Variants in STIM2 observed in about 807,000 individuals in gnomAD.
STIM2 encodes stromal interaction molecule 2.
A neutral mutation model predicts 85.8 loss-of-function variants in STIM2; 31 were observed. The observed-to-expected ratio is 0.36, with a 90% CI of 0.27 to 0.49. STIM2 has a LOEUF of 0.49. Ranked by LOEUF, STIM2 falls within the 20% of genes least tolerant of loss-of-function variation. STIM2 has a pLI of 0.98. For missense variants in STIM2, 841 were observed against 927.6 expected, an observed-to-expected ratio of 0.91 and a Z score of 1.21; for synonymous variants, 356 against 331.1, an observed-to-expected ratio of 1.08 and a Z score of -0.82.
chr4:27,017,762 G>A lies in STIM2; in HGVS notation c.1541G>A (p.Arg514His), dbSNP rs1049239912. Residue 514 changes from arginine to histidine, a missense_variant, in exon 11 of 12, where the codon CGT (arginine) becomes CAT (histidine). Physicochemically the swap from Arg to His is conservative, Grantham distance 29. Around this residue, in one of 3 missense-constraint regions of STIM2, gnomAD observed 408 missense variants for 525.4 expected, o/e 0.78. Coordinates refer to ENST00000467087, the MANE Select transcript of STIM2 (RefSeq NM_020860.4). ...TTAGCCAGAAGCAGCAGCCTGTGCC[G>A]TTCACGCCGCAGCATTGTGCCGTCC... The A allele has an allele frequency of 2.5e-5, 41 of 1,614,090 alleles. No individual in the cohort carries two copies. The highest frequency in any genetic ancestry group is 5.5e-5 in the South Asian group (5 of 91,070).
intron 1 of STIM2, among the ~76,000 whole-genome samples, chr4:26,915,709 C>T (rs1724550908): frequency 6.6e-6 from 1 of 152,202 alleles, no homozygotes; most frequent in Non-Finnish European, 1.5e-5. Flanking sequence ...TCTTTTCCCT[C>T]AGCGCAAAGT....
chr4:27,002,497 C>CTTAAATACTTACATTTAGGTTATT, intron 6 of STIM2, 103 bp downstream of exon 6: 1 of 809,698 alleles, frequency 1.2e-6, no homozygotes, highest in Non-Finnish European at 1.9e-6. Context: ...TTATTATACA[C>CTTAAATACTTACATTTAGGTTATT]ATCAGGAATA....
chr4:26,950,051 C>T (rs1416915482), intron 2 of STIM2, among the ~76,000 whole-genome samples: 1 of 152,114 alleles, frequency 6.6e-6, no homozygotes, highest in East Asian at 1.9e-4. Context: ...ACACGGTATT[C>T]TCAGTGATGG....
chr4:26,972,317 C>G (rs865829125), intron 3 of STIM2, among the ~76,000 whole-genome samples: 2 of 152,152 alleles, frequency 1.3e-5, no homozygotes, highest in South Asian at 2.1e-4. Context: ...TTGTCTTGTG[C>G]TGGTTTTCAA....
intron 1 of STIM2, among the ~76,000 whole-genome samples, chr4:26,871,419 T>C (rs1447006136): frequency 1.3e-5 from 2 of 152,156 alleles, no homozygotes; most frequent in Non-Finnish European, 2.9e-5. Flanking sequence ...AATGGCCTTA[T>C]GAGTTTCTCC....
At chr4:26,989,538 C>T (rs570035950) in intron 3 of STIM2, among the ~76,000 whole-genome samples, 1 of 152,160 alleles carries the variant, frequency 6.6e-6, no homozygotes, top group Non-Finnish European at 1.5e-5. Context: ...GAAAGCCTTT[C>T]CACTAAGATC....
At chr4:26,965,650 T>G (rs1005418568) in intron 3 of STIM2, among the ~76,000 whole-genome samples, 3 of 152,128 alleles carry the variant, frequency 2.0e-5, no homozygotes, top group African/African-American at 7.2e-5. Flanking sequence ...CTCTTTTTGT[T>G]TTATTATTCT....
intron 3 of STIM2, among the ~76,000 whole-genome samples, chr4:26,972,599 T>A (rs180750654): frequency 6.6e-6 from 1 of 152,120 alleles, no homozygotes; most frequent in Non-Finnish European, 1.5e-5. Context: ...CTGACTTGAT[T>A]GTGGTGGATA....
chr4:26,934,481 T>C (rs914241230), intron 2 of STIM2, among the ~76,000 whole-genome samples: 1 of 152,238 alleles, frequency 6.6e-6, no homozygotes, highest in Admixed American at 6.5e-5. Context: ...TTTGTTCTTC[T>C]CTAATTTTCA....
chr4:26,954,380 G>A (rs1197444161), intron 2 of STIM2, among the ~76,000 whole-genome samples: 1 of 125,468 alleles, frequency 8.0e-6, no homozygotes, highest in Admixed American at 7.2e-5. Flanking sequence ...CCTATAGTAG[G>A]TTTGCATATA....
chr4:26,898,943 A>G (rs1304878888), intron 1 of STIM2, among the ~76,000 whole-genome samples: 2 of 151,710 alleles, frequency 1.3e-5, no homozygotes. Context: ...TCTGCAAATG[A>G]CAGTTTTTTT....
intron 1 of STIM2, 21 bp from the exon 2 acceptor site, chr4:26,919,483 T>G (rs1724718073): frequency 1.2e-6 from 2 of 1,612,608 alleles, no homozygotes; most frequent in Non-Finnish European, 1.7e-6. Context: ...AAGTTAGTAA[T>G]TGCCCTTTGT....
intron 1 of STIM2, among the ~76,000 whole-genome samples, chr4:26,872,376 T>A (rs1331327143): frequency 6.6e-6 from 1 of 152,212 alleles, no homozygotes; most frequent in Non-Finnish European, 1.5e-5. Flanking sequence ...ATTTAAAGAT[T>A]TAAAGCATTT....
intron 1 of STIM2, among the ~76,000 whole-genome samples, chr4:26,914,201 A>G (rs1724448465): frequency 6.6e-6 from 1 of 152,180 alleles, no homozygotes; most frequent in African/African-American, 2.4e-5. Flanking sequence ...TTTTCTGTTA[A>G]TTATCTAATT....
intron 2 of STIM2, among the ~76,000 whole-genome samples, chr4:26,936,315 C>T (rs895769968): frequency 2.0e-5 from 3 of 152,130 alleles, no homozygotes; most frequent in Admixed American, 1.3e-4. Flanking sequence ...GTTCATTTAC[C>T]AACTGCTGTT....
At chr4:26,885,871 A>ATATATATGTATG (rs1560194736) in intron 1 of STIM2, among the ~76,000 whole-genome samples, 25 of 117,836 alleles carry the variant, frequency 2.1e-4, no homozygotes, top group Non-Finnish European at 3.4e-4. Flanking sequence ...ATATATATAT[A>ATATATATGTATG]TATGTATATG....
Position 27,023,130 on chromosome 4 carries a change from G to A in STIM2, c.*134G>A. The A allele has an allele frequency of 1.2e-6, 1 of 822,824 alleles. No individual in the cohort carries two copies. The highest frequency in any genetic ancestry group is 1.9e-6 in the Non-Finnish European group (1 of 516,964). The allele number at this position is 822,824 out of a possible 1,614,324, so 51.0% of individuals were successfully genotyped here. ...GGGGCTTTCCAGGCCGGATGCCATA[G>A]TGGAACATCCAGAAGGGCAACTGTC... On this transcript the variant is annotated 3_prime_UTR_variant, in exon 12 of 12. Coordinates refer to ENST00000467087, the MANE Select transcript of STIM2 (RefSeq NM_020860.4).
intron 10 of STIM2, among the ~76,000 whole-genome samples, chr4:27,017,239 G>A (rs1017482750): frequency 6.6e-6 from 1 of 152,210 alleles, no homozygotes; most frequent in African/African-American, 2.4e-5. Flanking sequence ...CTAACCAGCT[G>A]TGAGACTGTG....
chr4:26,879,868 G>C (rs910607232), intron 1 of STIM2, among the ~76,000 whole-genome samples: 3 of 152,094 alleles, frequency 2.0e-5, no homozygotes, highest in Non-Finnish European at 4.4e-5. Flanking sequence ...AATACTATGG[G>C]TTCTAGCCAC....
Sources: gnomAD v4.1 joint callset for allele counts (sites outside exome capture counted in the v4.1 genomes callset) on GRCh38, gnomAD v4.1.1 for gene constraint, gnomAD v4.1.1 regional missense constraint, MANE v1.5 for transcripts, NCBI Gene and HGNC (gene_info 2026-07-23, HGNC 2026-07-21) for gene names.